The following RAD51B variants were observed in gnomAD, a reference collection of about 807,000 sequenced individuals.
RAD51B encodes RAD51 paralog B, also known as DNA repair protein RAD51 homolog 2.
A neutral mutation model predicts 42.2 loss-of-function variants in RAD51B; 38 were observed. The ratio of observed to expected loss-of-function variants is 0.90; its 90% CI spans 0.70 to 1.18. The LOEUF (loss-of-function observed/expected upper bound fraction) is 1.18. Among genes scored for constraint, RAD51B ranks in the 50% most tolerant of loss-of-function variants. The probability of loss-of-function intolerance (pLI) is 0.00; values close to 1 mark genes in which losing one functional copy is unlikely to be tolerated. For synonymous variants in RAD51B, 154 were observed against 145.2 expected, an observed-to-expected ratio of 1.06 and a Z score of -0.43; for missense variants, 373 against 400.7, an observed-to-expected ratio of 0.93 and a Z score of 0.59.
chr14:67,831,597 C>T (rs1455999610), intron 3 of RAD51B, among the ~76,000 whole-genome samples: 2 of 152,074 alleles, frequency 1.3e-5, no homozygotes, highest in African/African-American at 2.4e-5. Flanking sequence ...AGTGCAGTGG[C>T]GTGATCTTGG....
chr14:68,439,933 T>C, intron 9 of RAD51B, among the ~76,000 whole-genome samples: 1 of 152,168 alleles, frequency 6.6e-6, no homozygotes, highest in South Asian at 2.1e-4. Context: ...TTTAATTGGT[T>C]CATGTCGTAG....
chr14:68,289,566 T>A (rs1202750858), intron 7 of RAD51B, among the ~76,000 whole-genome samples: 1 of 151,988 alleles, frequency 6.6e-6, no homozygotes, highest in Admixed American at 6.6e-5. Context: ...AATACAAAAT[T>A]AGCCGGGCAT....
rs552442500 is a variant in RAD51B, at chr14:68,011,378, G to A, written c.756+124174G>A. 8.5e-5 allele frequency among the ~76,000 whole-genome samples: 13 copies of A among 152,062 alleles called. No individual in the cohort carries two copies. The East Asian group carries it at 2.3e-3, about 27-fold the overall frequency. On this transcript the variant is annotated intron_variant, in intron 7 of 10. Coordinates refer to ENST00000471583, the MANE Select transcript of RAD51B (RefSeq NM_133510.4). ...CCCATATCCATTCCAGTTTCTAAGA[G>A]CCTTCTGATTAACAGGCTCCCCAAA...
At chr14:68,333,923 C>T (rs1166023197) in intron 8 of RAD51B, among the ~76,000 whole-genome samples, 1 of 152,148 alleles carries the variant, frequency 6.6e-6, no homozygotes, top group Non-Finnish European at 1.5e-5. Flanking sequence ...CAACATCTTC[C>T]CATCCCCCTC....
At chr14:68,563,262 C>T (rs1434106577) in intron 10 of RAD51B, 13 of 985,284 alleles carry the variant, frequency 1.3e-5, no homozygotes, top group Admixed American at 6.1e-5. Context: ...CAATGAAAAG[C>T]CCCATCCAGA....
chr14:68,335,930 C>A (rs2082446664), intron 8 of RAD51B, among the ~76,000 whole-genome samples: 1 of 152,156 alleles, frequency 6.6e-6, no homozygotes, highest in African/African-American at 2.4e-5. Context: ...ATTCAAGAAG[C>A]AGTATAGCAT....
intron 10 of RAD51B, among the ~76,000 whole-genome samples, chr14:68,601,992 C>T (rs532644427): frequency 9.2e-5 from 14 of 152,294 alleles, no homozygotes; most frequent in African/African-American, 1.9e-4. Flanking sequence ...ACTGCCACCC[C>T]CTCTGTGCAA....
At chr14:68,350,751 C>T (rs1247074413) in intron 8 of RAD51B, among the ~76,000 whole-genome samples, 5 of 152,324 alleles carry the variant, frequency 3.3e-5, no homozygotes, top group Non-Finnish European at 5.9e-5. Context: ...ACTCCCTCTG[C>T]CTCTATTCAT....
intron 7 of RAD51B, among the ~76,000 whole-genome samples, chr14:67,948,525 GTAAC>G (rs2074377703): frequency 3.3e-5 from 5 of 152,180 alleles, no homozygotes; most frequent in Admixed American, 2.0e-4. Flanking sequence ...TCACAATAAA[GTAAC>G]TATTGCAATA....
chr14:68,317,464 A>C (rs1054801169), intron 8 of RAD51B, among the ~76,000 whole-genome samples: 5 of 152,000 alleles, frequency 3.3e-5, no homozygotes, highest in Non-Finnish European at 7.4e-5. Context: ...GTGCCGTGTG[A>C]TGTCAGGAAG....
intron 7 of RAD51B, among the ~76,000 whole-genome samples, chr14:68,046,376 G>A (rs187161948): frequency 3.9e-5 from 6 of 152,258 alleles, no homozygotes; most frequent in East Asian, 1.9e-4. Context: ...CTTGGTCTCC[G>A]GAAGTTCTGG....
At chr14:67,962,705 GA>G (rs2074695168) in intron 7 of RAD51B, among the ~76,000 whole-genome samples, 1 of 152,112 alleles carries the variant, frequency 6.6e-6, no homozygotes, top group South Asian at 2.1e-4. Flanking sequence ...ACTAATTGTT[GA>G]AATTTAGCCA....
intron 10 of RAD51B, among the ~76,000 whole-genome samples, chr14:68,472,510 C>A (rs1428076824): frequency 6.6e-6 from 1 of 152,120 alleles, no homozygotes; most frequent in African/African-American, 2.4e-5. Flanking sequence ...GCACAGCCTC[C>A]CCGTTACTCC....
At chr14:67,985,234 A>G (rs551414370) in intron 7 of RAD51B, among the ~76,000 whole-genome samples, 87 of 152,332 alleles carry the variant, frequency 5.7e-4, no homozygotes, top group African/African-American at 2.0e-3. Context: ...ACATATATAT[A>G]CATATTACTA....
At chr14:68,470,627 C>CAG (rs974536416) in intron 10 of RAD51B, 35 of 499,660 alleles carry the variant, frequency 7.0e-5, no homozygotes, top group South Asian at 5.0e-4. Flanking sequence ...CATTTGAAAA[C>CAG]AGAGAGAGAG....
At chr14:68,250,476 A>G (rs747111646) in intron 7 of RAD51B, among the ~76,000 whole-genome samples, 1 of 152,274 alleles carries the variant, frequency 6.6e-6, no homozygotes, top group South Asian at 2.1e-4. Context: ...TTTAAGGGAA[A>G]CAATCACAAT....
intron 7 of RAD51B, among the ~76,000 whole-genome samples, chr14:68,257,508 T>C (rs2080778333): frequency 6.6e-6 from 1 of 152,128 alleles, no homozygotes; most frequent in Non-Finnish European, 1.5e-5. Context: ...CTATTTATGC[T>C]CAATTGATAA....
At chr14:68,600,883 G>A (rs1433148433), downstream of RAD51B, among the ~76,000 whole-genome samples, 1 of 152,172 alleles carries the variant, frequency 6.6e-6, no homozygotes, top group African/African-American at 2.4e-5. Flanking sequence ...TTTTGCTTCT[G>A]AGCACATGGT....
chr14:68,233,998 T>G (rs1308360518), intron 7 of RAD51B, among the ~76,000 whole-genome samples: 2 of 152,098 alleles, frequency 1.3e-5, no homozygotes, highest in East Asian at 3.9e-4. Context: ...AGGAAGAGAA[T>G]TCTGATGATA....
Sources: gnomAD v4.1 joint callset for allele counts (sites outside exome capture counted in the v4.1 genomes callset) on GRCh38, gnomAD v4.1.1 for gene constraint, MANE v1.5 for transcripts, NCBI Gene and HGNC (gene_info 2026-07-23, HGNC 2026-07-21) for gene names.